GGNBP2: variants seen among roughly 807,000 people sequenced by gnomAD.
The protein encoded by GGNBP2 is gametogenetin-binding protein 2.
A neutral mutation model predicts 85.9 loss-of-function variants in GGNBP2; 10 were observed. The ratio of observed to expected loss-of-function variants is 0.12; its 90% CI spans 0.07 to 0.20. GGNBP2 has a LOEUF of 0.20. Among genes scored for constraint, GGNBP2 ranks in the 10% least tolerant of loss-of-function variants. The probability of loss-of-function intolerance (pLI) is 1.00; values close to 1 mark genes in which losing one functional copy is unlikely to be tolerated. For synonymous variants in GGNBP2, 287 were observed against 285.7 expected (o/e 1.00, Z -0.05); for missense variants, 595 against 857.8 (o/e 0.69, Z 3.83).
chr17:36,562,847 C>T (rs1007808312), intron 5 of GGNBP2, among the ~76,000 whole-genome samples: 2 of 148,438 alleles, frequency 1.3e-5, no homozygotes, highest in South Asian at 4.3e-4. Flanking sequence ...CATCTGTGAT[C>T]CCAGCTACTT....
intron 2 of GGNBP2, among the ~76,000 whole-genome samples, chr17:36,552,189 A>G (rs1343204467): frequency 6.6e-6 from 1 of 152,228 alleles, no homozygotes; most frequent in Admixed American, 6.5e-5. Context: ...GTTGAGTTAC[A>G]TGGCTCTAAA....
chr17:36,556,751 CTTTTTTTTTTTTTT>C (rs10544073), intron 3 of GGNBP2, among the ~76,000 whole-genome samples: 156 of 52,862 alleles, frequency 3.0e-3, no homozygotes, highest in Non-Finnish European at 3.7e-3. Flanking sequence ...CTGTATTGTG[CTTTTTTTTTTTTTT>C]TTTTTTTTTT....
intron 2 of GGNBP2, among the ~76,000 whole-genome samples, chr17:36,550,300 TCTGA>T (rs917833084): frequency 6.6e-6 from 1 of 151,124 alleles, no homozygotes; most frequent in African/African-American, 2.4e-5. Flanking sequence ...AATAGACTAC[TCTGA>T]TAAGAGTTTG....
intron 7 of GGNBP2, chr17:36,579,040 C>CT (rs1396997542): frequency 1.9e-6 from 1 of 520,894 alleles, no homozygotes; most frequent in African/African-American, 1.9e-5. Context: ...TTTAGCAATA[C>CT]GAGGACTAAA....
chr17:36,578,224 G>C (rs1379095895), intron 7 of GGNBP2, 38 bp downstream of exon 7: 1 of 1,458,894 alleles, frequency 6.9e-7, no homozygotes, highest in Non-Finnish European at 9.4e-7. Flanking sequence ...GCTATCTAGC[G>C]CTTTGCTTCA....
At chr17:36,572,868 TC>T (rs2074540325) in intron 6 of GGNBP2, among the ~76,000 whole-genome samples, 1 of 152,198 alleles carries the variant, frequency 6.6e-6, no homozygotes, top group African/African-American at 2.4e-5. Flanking sequence ...CAACCACAAT[TC>T]TTCTTTCTGT....
At chr17:36,566,106 G>T (rs778795369) in intron 5 of GGNBP2, among the ~76,000 whole-genome samples, 9 of 152,182 alleles carry the variant, frequency 5.9e-5, no homozygotes, top group Admixed American at 5.9e-4. Flanking sequence ...AAGTTCAGAG[G>T]TTTTTCCGTC....
At chr17:36,548,631 A>AAAAAAAAC (rs2074277886) in intron 2 of GGNBP2, among the ~76,000 whole-genome samples, 1 of 113,338 alleles carries the variant, frequency 8.8e-6, no homozygotes, top group Non-Finnish European at 1.8e-5. Context: ...AAAAAAAAAA[A>AAAAAAAAC]AAAAAAAAAA....
intron 1 of GGNBP2, 39 bp from the exon 2 acceptor site, chr17:36,545,580 G>T (rs1264007425): frequency 1.6e-6 from 1 of 635,686 alleles, no homozygotes; most frequent in Admixed American, 2.8e-5. Flanking sequence ...GTGCTGCGCA[G>T]CGGCGGGTGC....
chr17:36,587,353 A>G, intron 13 of GGNBP2, 108 bp downstream of exon 13: 1 of 1,139,032 alleles, frequency 8.8e-7, no homozygotes, highest in Non-Finnish European at 1.3e-6. Flanking sequence ...GAAGCTTATG[A>G]GAAATTAAGG....
chr17:36,587,652 A>T (rs1056104681), intron 13 of GGNBP2: 17 of 188,606 alleles, frequency 9.0e-5, no homozygotes, highest in Non-Finnish European at 1.9e-4. Flanking sequence ...ACTTTGGGAG[A>T]CCGAGGTGGG....
At chr17:36,562,545 A>C (rs557741980) in intron 5 of GGNBP2, among the ~76,000 whole-genome samples, 38 of 150,134 alleles carry the variant, frequency 2.5e-4, no homozygotes, top group African/African-American at 8.8e-4. Context: ...TTTGACCTGA[A>C]CTTCCGAGTT....
intron 6 of GGNBP2, chr17:36,576,588 T>TAG (rs2074588406): frequency 2.5e-5 from 1 of 40,740 alleles, no homozygotes. Context: ...AAAAAAAATA[T>TAG]ATATATATGT....
At chr17:36,566,679 T>C (rs934804165) in intron 5 of GGNBP2, among the ~76,000 whole-genome samples, 15 of 148,360 alleles carry the variant, frequency 1.0e-4, no homozygotes, top group Admixed American at 1.0e-3. Flanking sequence ...AGAATCTGTC[T>C]CAAAAAAAAA....
Position 36,578,200 on chromosome 17 carries a change from A to G in GGNBP2, c.845+14A>G. 1 of 1,586,942 alleles carries G rather than the reference A, an allele frequency of 6.3e-7. No homozygotes were observed. The highest frequency in any genetic ancestry group is 8.6e-7 in the Non-Finnish European group (1 of 1,161,588). On this transcript the variant is annotated intron_variant, in intron 7 of 13. Transcript: ENST00000613102. Reference sequence around the variant, plus strand: ...GTTCGCAGGAGGGTATGAGTATGTAATTTGCTAGAATGGGCTATCTAGCGC... The same window carrying G: ...GTTCGCAGGAGGGTATGAGTATGTAGTTTGCTAGAATGGGCTATCTAGCGC...
intron 2 of GGNBP2, among the ~76,000 whole-genome samples, chr17:36,549,301 C>T (rs1282853339): frequency 6.6e-6 from 1 of 152,032 alleles, no homozygotes; most frequent in East Asian, 1.9e-4. Flanking sequence ...CTCTCAGGCT[C>T]AAGTGATTCT....
rs188757842 is a variant in GGNBP2, at chr17:36,569,751, C to A, written c.641+1975C>A. On this transcript the variant is annotated intron_variant, in intron 6 of 13. Coordinates refer to ENST00000613102, the MANE Select transcript of GGNBP2 (RefSeq NM_024835.5). ...GAGTTTTACAGGGACTATACAGACA[C>A]AAAACATATATCCTTCCTCTTTAAA... 3.4e-3 allele frequency among the ~76,000 whole-genome samples: 525 copies of A among 152,278 alleles called. 3 individuals are homozygous for A. Among genetic ancestry groups the A allele is most frequent in the Admixed American group, 6.5e-3 (100 of 15,296 alleles).
chr17:36,587,904 A>G (rs1176914864), intron 13 of GGNBP2, among the ~76,000 whole-genome samples: 3 of 152,148 alleles, frequency 2.0e-5, no homozygotes, highest in Non-Finnish European at 2.9e-5. Flanking sequence ...CCTGAGTAGA[A>G]CCATTGACCA....
At chr17:36,565,664 G>A (rs1184434828) in intron 5 of GGNBP2, among the ~76,000 whole-genome samples, 6 of 152,134 alleles carry the variant, frequency 3.9e-5, no homozygotes, top group East Asian at 1.9e-4. Context: ...TTGGGAGGCC[G>A]ATGCAGGCAG....
Sources: allele counts gnomAD v4.1 joint callset (sites outside exome capture counted in the v4.1 genomes callset), GRCh38; gene constraint gnomAD v4.1.1; transcripts MANE v1.5; gene names NCBI Gene and HGNC (gene_info 2026-07-23, HGNC 2026-07-21).